The following CFAP299 variants were observed in gnomAD, a reference collection of about 807,000 sequenced individuals.
The protein encoded by CFAP299 is cilia- and flagella-associated protein 299.
Under a neutral mutation model 27.0 loss-of-function variants are expected in CFAP299, and 21 were observed. The observed-to-expected ratio is 0.78, with a 90% confidence interval of 0.55 to 1.12. CFAP299 has a LOEUF of 1.12. Ranked by LOEUF, CFAP299 falls within the 50% of genes most tolerant of loss-of-function variation. CFAP299 has a pLI of 0.00. For synonymous variants in CFAP299, 104 were observed against 98.1 expected, an observed-to-expected ratio of 1.06 and a Z score of -0.36; for missense variants, 310 against 276.6, an observed-to-expected ratio of 1.12 and a Z score of -0.86.
At chr4:80,878,612 T>C (rs755622703) in intron 4 of CFAP299, among the ~76,000 whole-genome samples, 87 of 152,254 alleles carry the variant, frequency 5.7e-4, no homozygotes, top group Admixed American at 2.5e-3. Flanking sequence ...GTAAGCCTAC[T>C]TGTTTTTCTG....
Position 80,560,418 on chromosome 4 carries a change from C to T in CFAP299, c.243-22675C>T, listed in dbSNP as rs151007536. Among the ~76,000 whole-genome samples, 334 of 152,142 alleles carry T rather than the reference C, an allele frequency of 2.2e-3. 2 individuals carry two copies. Among genetic ancestry groups the T allele is most frequent in the East Asian group, 2.1e-3 (11 of 5,142 alleles). On this transcript the variant is annotated intron_variant, in intron 2 of 5. Coordinates refer to ENST00000358105, the MANE Select transcript of CFAP299 (RefSeq NM_152770.3). ...TGGCTACAGGGCAAAACTCCTTTGG[C>T]TTGGGAAAGCAGAGGGAAAAGTAAA...
chr4:80,923,832 CACTA>C (rs1736166658), intron 4 of CFAP299, among the ~76,000 whole-genome samples: 1 of 151,910 alleles, frequency 6.6e-6, no homozygotes, highest in African/African-American at 2.4e-5. Flanking sequence ...GAAATTTGAA[CACTA>C]ACTGGGTATT....
At chr4:80,783,089 G>A (rs1727024028) in intron 3 of CFAP299, among the ~76,000 whole-genome samples, 1 of 152,038 alleles carries the variant, frequency 6.6e-6, no homozygotes, top group African/African-American at 2.4e-5. Flanking sequence ...CAGCTTATTT[G>A]AGTAATTCTG....
chr4:80,489,350 T>C (rs1283932130), intron 2 of CFAP299, among the ~76,000 whole-genome samples: 1 of 152,226 alleles, frequency 6.6e-6, no homozygotes, highest in Non-Finnish European at 1.5e-5. Flanking sequence ...TTTCTTTCAT[T>C]GCCAACCAGG....
intron 1 of CFAP299, among the ~76,000 whole-genome samples, chr4:80,349,231 T>C (rs1365762498): frequency 2.0e-5 from 3 of 152,342 alleles, no homozygotes; most frequent in African/African-American, 7.2e-5. Flanking sequence ...AAAACAATAT[T>C]GCTGCTCCTT....
chr4:80,604,611 G>A (rs759110174), intron 3 of CFAP299, among the ~76,000 whole-genome samples: 4 of 152,140 alleles, frequency 2.6e-5, no homozygotes, highest in African/African-American at 4.8e-5. Context: ...GAGGTGCCTC[G>A]GCAGGTGGCC....
chr4:80,352,361 A>C (rs935650700), intron 1 of CFAP299, among the ~76,000 whole-genome samples: 3 of 152,204 alleles, frequency 2.0e-5, no homozygotes, highest in Non-Finnish European at 4.4e-5. Context: ...TGATATCAGG[A>C]GTTCGAGACC....
At chr4:80,346,285 C>G (rs1005353503) in intron 1 of CFAP299, among the ~76,000 whole-genome samples, 2 of 152,144 alleles carry the variant, frequency 1.3e-5, no homozygotes, top group African/African-American at 4.8e-5. Flanking sequence ...TTAATGAGAT[C>G]CCATTTGTCT....
At chr4:80,550,850 C>T (rs1487350345) in intron 2 of CFAP299, among the ~76,000 whole-genome samples, 2 of 151,944 alleles carry the variant, frequency 1.3e-5, no homozygotes, top group Admixed American at 6.6e-5. Flanking sequence ...AAAATTGCCT[C>T]TTCATATATA....
chr4:80,856,544 G>T (rs1483869746), intron 3 of CFAP299, among the ~76,000 whole-genome samples: 1 of 151,774 alleles, frequency 6.6e-6, no homozygotes, highest in Non-Finnish European at 1.5e-5. Flanking sequence ...TAGGTCTAAC[G>T]TTTAAGTCTT....
At chr4:80,775,799 A>G (rs1451291678) in intron 3 of CFAP299, among the ~76,000 whole-genome samples, 6 of 152,204 alleles carry the variant, frequency 3.9e-5, no homozygotes, top group Non-Finnish European at 8.8e-5. Flanking sequence ...AATGGTTGTA[A>G]GAAGTGAGAA....
chr4:80,435,722 A>G (rs1728036004), intron 2 of CFAP299, among the ~76,000 whole-genome samples: 1 of 152,182 alleles, frequency 6.6e-6, no homozygotes, highest in Admixed American at 6.5e-5. Context: ...GACTTACTCC[A>G]TGGTTGATCA....
chr4:80,380,293 C>T (rs1423003964), intron 2 of CFAP299, among the ~76,000 whole-genome samples: 2 of 151,874 alleles, frequency 1.3e-5, no homozygotes, highest in African/African-American at 4.8e-5. Context: ...AATAAATTTA[C>T]AGAGAAAACT....
chr4:80,722,370 T>A (rs1296581487), intron 3 of CFAP299, among the ~76,000 whole-genome samples: 1 of 150,074 alleles, frequency 6.7e-6, no homozygotes, highest in Non-Finnish European at 1.5e-5. Flanking sequence ...TGAGCCGAGA[T>A]CGTGCCATGG....
At chr4:80,537,399 A>G (rs1296353821) in intron 2 of CFAP299, among the ~76,000 whole-genome samples, 1 of 152,186 alleles carries the variant, frequency 6.6e-6, no homozygotes, top group Non-Finnish European at 1.5e-5. Flanking sequence ...TGTCTACTGT[A>G]GCATCATTCA....
chr4:80,574,561 T>A (rs1735752329), intron 2 of CFAP299, among the ~76,000 whole-genome samples: 1 of 152,164 alleles, frequency 6.6e-6, no homozygotes, highest in Non-Finnish European at 1.5e-5. Context: ...AGACTTTCAA[T>A]TTTTCCCCAT....
chr4:80,753,973 A>C (rs969418472), intron 3 of CFAP299, among the ~76,000 whole-genome samples: 29 of 152,170 alleles, frequency 1.9e-4, no homozygotes, highest in African/African-American at 6.3e-4. Context: ...TAGATAGTTC[A>C]AACAATACTG....
chr4:80,655,388 AAG>A (rs1388469096), intron 3 of CFAP299, among the ~76,000 whole-genome samples: 2 of 152,190 alleles, frequency 1.3e-5, no homozygotes, highest in African/African-American at 4.8e-5. Context: ...CTGATTTTAA[AAG>A]AAATATTCTG....
chr4:80,500,251 A>G (rs1395218279), intron 2 of CFAP299, among the ~76,000 whole-genome samples: 1 of 152,116 alleles, frequency 6.6e-6, no homozygotes, highest in East Asian at 1.9e-4. Context: ...ATGGTGGAAT[A>G]CCATCAGAGA....
Sources: allele counts gnomAD v4.1 joint callset (sites outside exome capture counted in the v4.1 genomes callset), GRCh38; gene constraint gnomAD v4.1.1; transcripts MANE v1.5; gene names NCBI Gene and HGNC (gene_info 2026-07-23, HGNC 2026-07-21).